Variants in GRM8 observed in about 807,000 individuals in gnomAD.
GRM8 encodes the protein glutamate metabotropic receptor 8, also known as metabotropic glutamate receptor 8.
A neutral mutation model predicts 87.2 loss-of-function variants in GRM8; 47 were observed. The ratio of observed to expected loss-of-function variants is 0.54; its 90% CI spans 0.43 to 0.69. GRM8 has a LOEUF of 0.69. GRM8 is among the 30% of genes least tolerant of loss of function. The pLI is 0.00. For missense variants in GRM8, 1,019 were observed against 1,139.2 expected, an observed-to-expected ratio of 0.89 and a Z score of 1.52; for synonymous variants, 396 against 404.5, an observed-to-expected ratio of 0.98 and a Z score of 0.25.
chr7:126,739,756 C>T (rs1009016523), intron 7 of GRM8, among the ~76,000 whole-genome samples: 52 of 152,132 alleles, frequency 3.4e-4, no homozygotes, highest in East Asian at 9.7e-4. Flanking sequence ...ACACACATTT[C>T]GGTCAATAAC....
chr7:126,911,461 A>G (rs116506648), intron 3 of GRM8, among the ~76,000 whole-genome samples: 82 of 152,362 alleles, frequency 5.4e-4, no homozygotes, highest in African/African-American at 1.9e-3. Flanking sequence ...AAAACTATTA[A>G]AATATTAACG....
At chr7:126,646,774 C>T (rs995342510) in intron 7 of GRM8, among the ~76,000 whole-genome samples, 1 of 152,144 alleles carries the variant, frequency 6.6e-6, no homozygotes, top group Admixed American at 6.5e-5. Context: ...ATGTAAAGTG[C>T]TTAATCTTGT....
chr7:126,659,034 GC>G (rs1385512354), intron 7 of GRM8, among the ~76,000 whole-genome samples: 7 of 118,458 alleles, frequency 5.9e-5, no homozygotes, highest in African/African-American at 1.0e-4. Context: ...GTTGCGCCCC[GC>G]CCCCCGCCCC....
At chr7:126,711,114 G>C (rs903667412) in intron 7 of GRM8, among the ~76,000 whole-genome samples, 1 of 152,226 alleles carries the variant, frequency 6.6e-6, no homozygotes, top group Non-Finnish European at 1.5e-5. Flanking sequence ...GGTGGAGGTT[G>C]TGGTGAGCCC....
chr7:127,228,921 A>C (rs1462521897), intron 2 of GRM8: 1 of 152,230 alleles, frequency 6.6e-6, no homozygotes, highest in Non-Finnish European at 1.5e-5. Context: ...GTACCACTTT[A>C]CTGGAATGAA....
chr7:126,862,264 A>G (rs1798199405), intron 6 of GRM8, among the ~76,000 whole-genome samples: 1 of 151,936 alleles, frequency 6.6e-6, no homozygotes, highest in Admixed American at 6.6e-5. Context: ...GATGTTTTAT[A>G]TGGTCAGTTT....
At chr7:126,563,746 C>T (rs1419494) in intron 8 of GRM8, among the ~76,000 whole-genome samples, 46,980 of 152,020 alleles carry the variant, frequency 0.31, 8,133 homozygotes, top group East Asian at 0.44. Context: ...AAAAAGATAT[C>T]CTAGGTGGAT....
At chr7:126,926,724 C>A (rs1461687467) in intron 3 of GRM8, among the ~76,000 whole-genome samples, 1 of 152,196 alleles carries the variant, frequency 6.6e-6, no homozygotes. Flanking sequence ...AACCATCTGC[C>A]ACCAACTAAT....
At chr7:126,598,515 C>A (rs527560378) in intron 8 of GRM8, among the ~76,000 whole-genome samples, 1 of 152,230 alleles carries the variant, frequency 6.6e-6, no homozygotes, top group African/African-American at 2.4e-5. Flanking sequence ...TTCACTAACA[C>A]CCTTTATTCC....
chr7:127,211,176 G>A (rs1358445382), intron 2 of GRM8, among the ~76,000 whole-genome samples: 1 of 152,208 alleles, frequency 6.6e-6, no homozygotes, highest in Non-Finnish European at 1.5e-5. Flanking sequence ...GCAAGTTGAG[G>A]AGCAAGGAAG....
At chr7:127,171,453 T>G (rs1793796362) in intron 2 of GRM8, among the ~76,000 whole-genome samples, 1 of 152,216 alleles carries the variant, frequency 6.6e-6, no homozygotes, top group African/African-American at 2.4e-5. Context: ...AAATATTTTA[T>G]GAAAGAGTTA....
chr7:126,651,867 T>G (rs572946834), intron 7 of GRM8, among the ~76,000 whole-genome samples: 6 of 152,326 alleles, frequency 3.9e-5, no homozygotes, highest in African/African-American at 1.4e-4. Context: ...AATGGGAAAC[T>G]ACAACAGCCC....
chr7:126,678,516 A>G (rs945733310), intron 7 of GRM8, among the ~76,000 whole-genome samples: 9 of 152,236 alleles, frequency 5.9e-5, no homozygotes, highest in African/African-American at 1.9e-4. Flanking sequence ...AAAAATTACA[A>G]TGAAGCAGAA....
chr7:126,470,587 T>A (rs1164989313), intron 9 of GRM8, among the ~76,000 whole-genome samples: 1 of 152,082 alleles, frequency 6.6e-6, no homozygotes, highest in Non-Finnish European at 1.5e-5. Context: ...ATCCAGTCTA[T>A]CATTGTTGGA....
intron 6 of GRM8, among the ~76,000 whole-genome samples, chr7:126,794,055 C>T (rs1043475917): frequency 2.6e-5 from 4 of 151,902 alleles, no homozygotes; most frequent in Non-Finnish European, 5.9e-5. Flanking sequence ...TATTTACTTG[C>T]CTGGGTTTTC....
chr7:126,972,263 A>C (rs1586636505), intron 3 of GRM8, among the ~76,000 whole-genome samples: 1 of 152,322 alleles, frequency 6.6e-6, no homozygotes, highest in African/African-American at 2.4e-5. Context: ...GAACCAGTCA[A>C]TTTGGTGAAA....
rs1402925445 is a variant in GRM8 at position 126,550,532 on chromosome 7, T to A, written c.1495-16645A>T. On this transcript the variant is annotated intron_variant, in intron 8 of 10. Coordinates refer to ENST00000339582, the MANE Select transcript of GRM8 (RefSeq NM_000845.3). Reference sequence around the variant, plus strand: ...GTAGAAAAACTAGAAATAAATAAAATTATAAACATATAATGCAACCACTTA... The same window carrying A: ...GTAGAAAAACTAGAAATAAATAAAAATATAAACATATAATGCAACCACTTA... Among the ~76,000 whole-genome samples the A allele has an allele frequency of 1.3e-5, 2 of 152,088 alleles. 1 individual carries two copies. Among genetic ancestry groups the A allele is most frequent in the Admixed American group, 1.3e-4 (2 of 15,270 alleles).
At chr7:126,497,939 T>C (rs1259363698) in intron 9 of GRM8, among the ~76,000 whole-genome samples, 2 of 151,858 alleles carry the variant, frequency 1.3e-5, no homozygotes, top group African/African-American at 4.8e-5. Flanking sequence ...GAACATAAAG[T>C]GCAAGGGAAT....
chr7:126,527,314 C>T (rs6970930), intron 9 of GRM8, among the ~76,000 whole-genome samples: 5,119 of 152,094 alleles, frequency 0.034, 195 homozygotes, highest in African/African-American at 0.098. Flanking sequence ...GCCAAGATGG[C>T]GCCACTGCAC....
Sources: allele counts gnomAD v4.1 joint callset (sites outside exome capture counted in the v4.1 genomes callset), GRCh38; gene constraint gnomAD v4.1.1; transcripts MANE v1.5; gene names NCBI Gene and HGNC (gene_info 2026-07-23, HGNC 2026-07-21).